DAB2IP: variants seen among roughly 807,000 people sequenced by gnomAD.
DAB2IP encodes disabled homolog 2-interacting protein.
Under a neutral mutation model 107.2 loss-of-function variants are expected in DAB2IP, and 28 were observed. The ratio of observed to expected loss-of-function variants is 0.26; its 90% CI spans 0.19 to 0.36. The LOEUF (loss-of-function observed/expected upper bound fraction) is 0.36, where lower values mean the gene tolerates loss of function less well. DAB2IP is among the 10% of genes least tolerant of loss of function. DAB2IP has a pLI of 1.00. For synonymous variants in DAB2IP, 755 were observed against 706.4 expected (o/e 1.07, Z -1.09); for missense variants, 1,400 against 1,644.7 (o/e 0.85, Z 2.57).
chr9:121,716,134 A>G (rs2118796745), intron 3 of DAB2IP, among the ~76,000 whole-genome samples: 1 of 152,304 alleles, frequency 6.6e-6, no homozygotes, highest in African/African-American at 2.4e-5. Context: ...GACCCACTCA[A>G]GTGTTGAGAT....
chr9:121,601,451 T>A (rs1830681477), intron 1 of DAB2IP, among the ~76,000 whole-genome samples: 1 of 152,214 alleles, frequency 6.6e-6, no homozygotes, highest in Non-Finnish European at 1.5e-5. Flanking sequence ...ATTCTTCCTG[T>A]TTGGGACAGA....
chr9:121,762,312 G>A (rs983640811), intron 6 of DAB2IP, among the ~76,000 whole-genome samples: 16 of 152,196 alleles, frequency 1.1e-4, no homozygotes, highest in Non-Finnish European at 1.9e-4. Flanking sequence ...ACTGGGGCCT[G>A]GCTCTCATTG....
chr9:121,740,359 G>C (rs1378809401), intron 3 of DAB2IP, among the ~76,000 whole-genome samples: 1 of 152,156 alleles, frequency 6.6e-6, no homozygotes, highest in Non-Finnish European at 1.5e-5. Flanking sequence ...TGAATGCTGA[G>C]TCTGTTGACC....
intron 3 of DAB2IP, among the ~76,000 whole-genome samples, chr9:121,705,842 T>A (rs1391921762): frequency 6.6e-6 from 1 of 152,212 alleles, no homozygotes; most frequent in East Asian, 1.9e-4. Context: ...CATATTAGAA[T>A]ATGCAAATCG....
At chr9:121,604,340 G>A (rs570344985) in intron 1 of DAB2IP, among the ~76,000 whole-genome samples, 41 of 152,314 alleles carry the variant, frequency 2.7e-4, no homozygotes, top group African/African-American at 9.4e-4. Context: ...CCAGCTGCCT[G>A]TTTCCCATCC....
intron 1 of DAB2IP, among the ~76,000 whole-genome samples, chr9:121,604,363 C>T (rs576479494): frequency 6.6e-6 from 1 of 152,346 alleles, no homozygotes; most frequent in East Asian, 1.9e-4. Context: ...GGTGGGCCTC[C>T]AGCAACCCAG....
intron 1 of DAB2IP, among the ~76,000 whole-genome samples, chr9:121,632,737 C>T (rs540321972): frequency 2.6e-5 from 4 of 152,328 alleles, no homozygotes; most frequent in African/African-American, 7.2e-5. Context: ...CAGAGAGTGA[C>T]ACTGGGAGCT....
Position 121,699,433 on chromosome 9 carries a change from G to A in DAB2IP, c.337G>A (p.Ala113Thr). ...CATCCTGCCGGGGTTCCGGAGCGCC[G>A]CCGCCGCCGCCGCGGACAATGAGAG... is the stretch of plus-strand genomic sequence containing the variant. Residue 113 changes from alanine (A) to threonine (T), a missense_variant, in exon 3 of 16, where the codon GCC (alanine) becomes ACC (threonine). This residue lies in a region of DAB2IP where 283 missense variants were observed against 237.0 expected (regional missense o/e 1.19). Coordinates refer to ENST00000408936, the Ensembl canonical transcript of DAB2IP. This position sits in a 1 kb window ranked among gnomAD's most constrained non-coding sequence, Gnocchi z 6.2. 4.2e-6 allele frequency: 6 copies of A among 1,442,044 alleles called. No individual in the cohort carries two copies. Among genetic ancestry groups the A allele is most frequent in the Non-Finnish European group, 5.5e-6 (6 of 1,085,592 alleles). The allele number at this position is 1,442,044 out of a possible 1,614,324, so 89.3% of individuals were successfully genotyped here.
At chr9:121,640,037 G>C (rs1167445514) in intron 1 of DAB2IP, among the ~76,000 whole-genome samples, 1 of 152,190 alleles carries the variant, frequency 6.6e-6, no homozygotes, top group African/African-American at 2.4e-5. Flanking sequence ...TGCATCAGGG[G>C]AACAGGGGCC....
intron 9 of DAB2IP, among the ~76,000 whole-genome samples, chr9:121,767,908 T>G (rs1834399032): frequency 6.6e-6 from 1 of 151,162 alleles, no homozygotes; most frequent in African/African-American, 2.4e-5. Flanking sequence ...GAGGGAGGAG[T>G]TGACAGCTGC....
Position 121,631,622 on chromosome 9 carries a change from C to T in DAB2IP, c.41-47056C>T, listed in dbSNP as rs1045129394. On this transcript the variant is annotated intron_variant, in intron 1 of 16. Coordinates refer to the DAB2IP transcript ENST00000259371. ...AACAAGGTCAAGAGATCGAGACCAT[C>T]CTGGCCCAAATGGTGAAACCCCGTC... 7.2e-5 allele frequency among the ~76,000 whole-genome samples: 11 copies of T among 152,148 alleles called. No homozygotes were observed. In the South Asian group the frequency reaches 2.1e-3, roughly 29 times the overall value.
chr9:121,710,268 C>T (rs1830276371), intron 3 of DAB2IP, among the ~76,000 whole-genome samples: 2 of 152,168 alleles, frequency 1.3e-5, no homozygotes, highest in African/African-American at 4.8e-5. Flanking sequence ...TTTTCTGTCT[C>T]CCAGGTGAGA....
intron 3 of DAB2IP, among the ~76,000 whole-genome samples, chr9:121,703,015 T>C (rs1366203718): frequency 1.3e-5 from 2 of 152,164 alleles, no homozygotes; most frequent in Non-Finnish European, 2.9e-5. Flanking sequence ...GGCTGCTATG[T>C]GTGGAGTTAG....
At chr9:121,587,889 T>C (rs573457215) in intron 1 of DAB2IP, among the ~76,000 whole-genome samples, 1 of 152,140 alleles carries the variant, frequency 6.6e-6, no homozygotes, top group South Asian at 2.1e-4. Flanking sequence ...ATACTTACAC[T>C]AAAAAAAATT....
chr9:121,765,936 A>G (rs538742494), intron 8 of DAB2IP, among the ~76,000 whole-genome samples: 3 of 152,242 alleles, frequency 2.0e-5, no homozygotes, highest in Non-Finnish European at 4.4e-5. Context: ...GGGTAGTCCC[A>G]TCTTCTTGAT....
At chr9:121,609,449 T>C (rs1316676272) in intron 1 of DAB2IP, among the ~76,000 whole-genome samples, 1 of 152,200 alleles carries the variant, frequency 6.6e-6, no homozygotes, top group Non-Finnish European at 1.5e-5. Flanking sequence ...CACTTCTCAC[T>C]TCCATCCCTC....
At chr9:121,721,001 A>C (rs758474726) in intron 3 of DAB2IP, among the ~76,000 whole-genome samples, 48 of 152,248 alleles carry the variant, frequency 3.2e-4, no homozygotes, top group Admixed American at 2.6e-3. Context: ...GCAGGCGAGC[A>C]TTGAGGAAAC....
chr9:121,729,045 G>C (rs1025408194), intron 3 of DAB2IP, among the ~76,000 whole-genome samples: 2 of 152,136 alleles, frequency 1.3e-5, no homozygotes, highest in Admixed American at 6.5e-5. Context: ...AATAATGCCT[G>C]TCATTTTTTA....
intron 3 of DAB2IP, chr9:121,742,949 T>G: frequency 4.1e-6 from 4 of 985,506 alleles, no homozygotes; most frequent in Non-Finnish European, 4.8e-6. Context: ...GCCCCCTTCT[T>G]TCTTCATCAT....
Sources: allele counts gnomAD v4.1 joint callset (sites outside exome capture counted in the v4.1 genomes callset), GRCh38; gene constraint gnomAD v4.1.1; regional missense constraint gnomAD v4.1.1; non-coding constraint Gnocchi (gnomAD v3.1); transcripts MANE v1.5; gene names NCBI Gene and HGNC (gene_info 2026-07-23, HGNC 2026-07-21).